ARF4: variants seen among roughly 807,000 people sequenced by gnomAD.
ARF4 encodes ARF GTPase 4.
ARF4 carries 5 observed loss-of-function variants against 24.3 expected under a neutral mutation model. That is an observed-to-expected ratio of 0.21 (90% CI 0.11 to 0.43). ARF4 has a LOEUF of 0.43. Among genes scored for constraint, ARF4 ranks in the 20% least tolerant of loss-of-function variants. The pLI is 1.00. For synonymous variants in ARF4, 62 were observed against 73.5 expected (o/e 0.84, Z 0.80); for missense variants, 107 against 213.0 (o/e 0.50, Z 3.10).
intron 5 of ARF4, among the ~76,000 whole-genome samples, 197 bp from the exon 6 acceptor site, chr3:57,572,495 A>G (rs1237851793): frequency 6.6e-6 from 1 of 151,322 alleles, no homozygotes; most frequent in African/African-American, 2.4e-5. Context: ...CGGAGATGGG[A>G]GGATCACTTG....
intron 1 of ARF4, among the ~76,000 whole-genome samples, chr3:57,584,856 G>C (rs2070017062): frequency 6.6e-6 from 1 of 151,712 alleles, no homozygotes. Flanking sequence ...AGCATTTTTT[G>C]GGGGGTGGAG....
intron 2 of ARF4, 40 bp from the exon 3 acceptor site, chr3:57,584,047 T>A: frequency 7.4e-7 from 1 of 1,349,248 alleles, no homozygotes; most frequent in Non-Finnish European, 1.0e-6. Context: ...GCAGCGTCAT[T>A]AAGAAAATAA....
intron 3 of ARF4, among the ~76,000 whole-genome samples, chr3:57,580,791 A>T (rs73084409): frequency 0.13 from 19,928 of 147,856 alleles, 1,412 homozygotes; most frequent in South Asian, 0.21. Flanking sequence ...TTTTTTTTTA[A>T]ATGTAAAGAC....
intron 5 of ARF4, among the ~76,000 whole-genome samples, chr3:57,575,305 CAAAAAAAAA>C (rs11294059): frequency 7.4e-6 from 1 of 135,010 alleles, no homozygotes; most frequent in East Asian, 2.1e-4. Flanking sequence ...CCTCTCCCTT[CAAAAAAAAA>C]AAAAAAGAAA....
intron 1 of ARF4, among the ~76,000 whole-genome samples, chr3:57,588,818 G>C (rs2070069271): frequency 6.6e-6 from 1 of 150,514 alleles, no homozygotes; most frequent in Non-Finnish European, 1.5e-5. Flanking sequence ...TTAGCCAGGT[G>C]TGAGTGAGGC....
At chr3:57,577,204 C>T (rs1215868717) in intron 4 of ARF4, 112 bp downstream of exon 4, 2 of 830,238 alleles carry the variant, frequency 2.4e-6, no homozygotes, top group East Asian at 2.5e-5. Context: ...TTATTTCTAG[C>T]CCCCCCAATC....
intron 1 of ARF4, among the ~76,000 whole-genome samples, chr3:57,592,328 A>G (rs950780922): frequency 6.6e-6 from 1 of 152,068 alleles, no homozygotes; most frequent in Admixed American, 6.6e-5. Flanking sequence ...CTCTACTACA[A>G]ATATGAAAAT....
At chr3:57,590,204 A>G (rs2070095212) in intron 1 of ARF4, among the ~76,000 whole-genome samples, 1 of 150,898 alleles carries the variant, frequency 6.6e-6, no homozygotes, top group African/African-American at 2.4e-5. Flanking sequence ...TGAAAAATTG[A>G]GGCCGGGTGC....
intron 5 of ARF4, among the ~76,000 whole-genome samples, chr3:57,573,614 A>G (rs184960516): frequency 1.3e-5 from 2 of 152,100 alleles, no homozygotes; most frequent in Admixed American, 1.3e-4. Flanking sequence ...CAGAGTACTC[A>G]CTCTTGCCCA....
Position 57,591,628 on chromosome 3 carries a change from G to C in ARF4, c.67+5446C>G, listed in dbSNP as rs183671565. On this transcript the variant is annotated intron_variant, in intron 1 of 5. Transcript: ENST00000303436. ...ACTACAGGTATCTGCCACCACACCC[G>C]GCTAATTTTTGTATTTTGAGTATAG... 1.5e-3 allele frequency among the ~76,000 whole-genome samples: 228 copies of C among 151,956 alleles called. 1 individual carries two copies. The highest frequency in any genetic ancestry group is 2.8e-3 in the Non-Finnish European group (188 of 67,988).
chr3:57,593,713 A>G (rs1215896994), intron 1 of ARF4, among the ~76,000 whole-genome samples: 1 of 152,216 alleles, frequency 6.6e-6, no homozygotes, highest in Non-Finnish European at 1.5e-5. Context: ...ACATCTTATC[A>G]TGGATCAAGA....
intron 3 of ARF4, among the ~76,000 whole-genome samples, chr3:57,581,657 A>T (rs2069973181): frequency 6.6e-6 from 1 of 152,090 alleles, no homozygotes; most frequent in Admixed American, 6.5e-5. Flanking sequence ...AAAATTAGCC[A>T]GGTGTGGTGG....
rs576601983 is a variant in ARF4, at chr3:57,589,656, TA to T, written c.68-5193del. ...TCGCTTGAACCCGGGAGGTGGAGGT[TA>T]CAGTGAGCCCATACCGCGCCACGGC... On this transcript the variant is annotated intron_variant, in intron 1 of 5. Transcript: ENST00000303436. 2.5e-3 allele frequency among the ~76,000 whole-genome samples: 357 copies of T among 143,516 alleles called. 1 individual carries two copies. The highest frequency in any genetic ancestry group is 3.8e-3 in the Non-Finnish European group (246 of 65,138). 94.2% of individuals were successfully genotyped at this position (143,516 alleles called of 152,430 possible).
At chr3:57,573,635 C>T (rs2069866418) in intron 5 of ARF4, among the ~76,000 whole-genome samples, 1 of 152,204 alleles carries the variant, frequency 6.6e-6, no homozygotes, top group Non-Finnish European at 1.5e-5. Flanking sequence ...GACTGGAGTG[C>T]AGTGGCGTGA....
chr3:57,574,255 T>C (rs553839332), intron 5 of ARF4, among the ~76,000 whole-genome samples: 2 of 152,166 alleles, frequency 1.3e-5, no homozygotes, highest in East Asian at 3.9e-4. Context: ...AGGTTCTTTG[T>C]TGTTTGTTTC....
chr3:57,582,097 G>T (rs1414164062), intron 3 of ARF4, among the ~76,000 whole-genome samples: 1 of 152,132 alleles, frequency 6.6e-6, no homozygotes, highest in Non-Finnish European at 1.5e-5. Flanking sequence ...TCTGAGATCA[G>T]AAACAGTGGT....
chr3:57,585,632 A>C (rs1271097002), intron 1 of ARF4, among the ~76,000 whole-genome samples: 1 of 151,132 alleles, frequency 6.6e-6, no homozygotes, highest in Non-Finnish European at 1.5e-5. Context: ...AGACCCTATC[A>C]CATTCATCTA....
intron 5 of ARF4, among the ~76,000 whole-genome samples, chr3:57,574,408 A>T (rs1374711593): frequency 2.1e-5 from 3 of 145,262 alleles, no homozygotes; most frequent in Non-Finnish European, 4.5e-5. Flanking sequence ...AGAAGTACAA[A>T]TTTTTTTTTT....
intron 3 of ARF4, among the ~76,000 whole-genome samples, chr3:57,581,491 T>G (rs1476041135): frequency 2.0e-5 from 3 of 152,170 alleles, no homozygotes. Context: ...AAGGTTTTAC[T>G]TCATATCTAA....
Sources: gnomAD v4.1 joint callset for allele counts (sites outside exome capture counted in the v4.1 genomes callset) on GRCh38, gnomAD v4.1.1 for gene constraint, MANE v1.5 for transcripts, NCBI Gene and HGNC (gene_info 2026-07-23, HGNC 2026-07-21) for gene names.